Variants in GMDS observed in about 807,000 individuals in gnomAD.
GMDS encodes the protein GDP-mannose 4,6 dehydratase.
Under a neutral mutation model 49.9 loss-of-function variants are expected in GMDS, and 20 were observed. The ratio of observed to expected loss-of-function variants is 0.40; its 90% CI spans 0.28 to 0.58. The LOEUF (loss-of-function observed/expected upper bound fraction) is 0.58. GMDS is among the 20% of genes least tolerant of loss of function. The pLI, the probability that GMDS is intolerant of heterozygous loss-of-function variation, is 0.42. For missense variants in GMDS, 362 were observed against 481.4 expected, an observed-to-expected ratio of 0.75 and a Z score of 2.32; for synonymous variants, 177 against 178.6, an observed-to-expected ratio of 0.99 and a Z score of 0.07.
At position 2,209,603 on chromosome 6, in the gene GMDS, ACG is replaced by A. The variant is rs1779973998; in HGVS notation, c.102+35716_102+35717del. Among the ~76,000 whole-genome samples, 6 of 147,332 alleles carry A rather than the reference ACG, an allele frequency of 4.1e-5. No homozygotes were observed. The South Asian group carries it at 1.3e-3, about 32-fold the overall frequency. ...CACACACACACACACACACACACACACGTTCTCTCTCTCTCTCTCTCTCTGGA... is the reference window on the plus strand; with the variant it reads ...CACACACACACACACACACACACACATTCTCTCTCTCTCTCTCTCTCTGGA... On this transcript the variant is annotated intron_variant, in intron 1 of 10. Coordinates refer to ENST00000380815, the MANE Select transcript of GMDS (RefSeq NM_001500.4).
chr6:1,712,219 G>A (rs906989107), intron 9 of GMDS, among the ~76,000 whole-genome samples: 24 of 152,190 alleles, frequency 1.6e-4, no homozygotes, highest in Admixed American at 7.2e-4. Context: ...TTCTTTGATA[G>A]TAATCACACT....
rs553023771 is a variant in GMDS, at chr6:2,216,607, C to A, written c.102+28714G>T. 8.5e-5 allele frequency among the ~76,000 whole-genome samples: 13 copies of A among 152,322 alleles called. No homozygotes were observed. The South Asian group carries it at 2.5e-3, about 29-fold the overall frequency. ...TGGTGTGGCAGCACGCACCTGCAGT[C>A]TCAGGTACTCAGAAGACTGAGACAG... On this transcript the variant is annotated intron_variant, in intron 1 of 10. Coordinates refer to ENST00000380815, the MANE Select transcript of GMDS (RefSeq NM_001500.4).
chr6:2,072,579 G>T (rs1772081349), intron 4 of GMDS, among the ~76,000 whole-genome samples: 1 of 152,168 alleles, frequency 6.6e-6, no homozygotes, highest in African/African-American at 2.4e-5. Flanking sequence ...GCAAACTGAA[G>T]TTAAGGAAAG....
intron 1 of GMDS, 69 bp from the exon 2 acceptor site, chr6:2,124,800 G>A (rs968165839): frequency 2.5e-6 from 3 of 1,218,344 alleles, no homozygotes; most frequent in Non-Finnish European, 3.6e-6. Context: ...TAGATGAAGA[G>A]TTTTGAGAAA....
rs372962835 is a variant in GMDS at position 1,960,933 on chromosome 6, C to T, written c.379G>A (p.Val127Ile). 19 of 1,588,106 alleles carry T rather than the reference C, an allele frequency of 1.2e-5. No homozygotes were observed. Among genetic ancestry groups the T allele is most frequent in the South Asian group, 5.7e-5 (5 of 88,424 alleles). The stretch of plus-strand genomic sequence containing the variant: ...AGTCGTAGAGTGCCAACTCCGTCAA[C>T]GTCCGCAGTGTACTCAGCGAGGTCA... Reference protein sequence around the residue: ...SFDLAEYTADVDGVGTLRLLD... With the variant: ...SFDLAEYTADIDGVGTLRLLD... Residue 127 changes from valine (V) to isoleucine (I), a missense_variant, in exon 5 of 11, where the codon GTT becomes ATT. Val to Ile is a conservative substitution (Grantham distance 29, BLOSUM62 3). Coordinates refer to ENST00000380815, the MANE Select transcript of GMDS (RefSeq NM_001500.4).
chr6:1,997,368 C>T (rs1286194775), intron 4 of GMDS, among the ~76,000 whole-genome samples: 3 of 151,936 alleles, frequency 2.0e-5, no homozygotes, highest in East Asian at 1.9e-4. Context: ...ATTAGCCAGG[C>T]GTGGTGGCAC....
chr6:1,915,810 A>G (rs1316598639), intron 7 of GMDS, among the ~76,000 whole-genome samples: 3 of 152,234 alleles, frequency 2.0e-5, no homozygotes, highest in Non-Finnish European at 4.4e-5. Flanking sequence ...GTAAGCTTGT[A>G]AAAGTGTCCA....
At chr6:2,105,020 A>G (rs751099597) in intron 4 of GMDS, among the ~76,000 whole-genome samples, 15 of 151,914 alleles carry the variant, frequency 9.9e-5, no homozygotes, top group Non-Finnish European at 1.8e-4. Context: ...GTCTCTACCA[A>G]AAACACAAAA....
intron 4 of GMDS, among the ~76,000 whole-genome samples, chr6:2,098,220 G>A (rs558097440): frequency 5.3e-5 from 8 of 152,072 alleles, no homozygotes; most frequent in South Asian, 2.1e-4. Flanking sequence ...CACCACACCC[G>A]GCTAATTTTT....
intron 7 of GMDS, among the ~76,000 whole-genome samples, chr6:1,780,871 C>T (rs1037838163): frequency 1.3e-5 from 2 of 152,184 alleles, no homozygotes; most frequent in African/African-American, 4.8e-5. Flanking sequence ...CCAGGATTTA[C>T]AAATTACATC....
At chr6:2,096,179 C>G (rs899246474) in intron 4 of GMDS, among the ~76,000 whole-genome samples, 2 of 152,030 alleles carry the variant, frequency 1.3e-5, no homozygotes, top group Non-Finnish European at 2.9e-5. Flanking sequence ...TAACTCTCCT[C>G]CAGTTTGCAG....
intron 7 of GMDS, among the ~76,000 whole-genome samples, chr6:1,796,818 C>T (rs1387240191): frequency 6.6e-6 from 1 of 152,214 alleles, no homozygotes; most frequent in Admixed American, 6.5e-5. Context: ...AAAGATGTAG[C>T]TCCTTCAAAC....
At chr6:2,062,128 A>G (rs1042535727) in intron 4 of GMDS, among the ~76,000 whole-genome samples, 3 of 152,164 alleles carry the variant, frequency 2.0e-5, no homozygotes, top group Non-Finnish European at 4.4e-5. Context: ...CCTGCCAGCA[A>G]TATTCCCTGC....
intron 1 of GMDS, among the ~76,000 whole-genome samples, chr6:2,165,406 C>T (rs1777614183): frequency 6.6e-6 from 1 of 152,218 alleles, no homozygotes; most frequent in Non-Finnish European, 1.5e-5. Flanking sequence ...AGACCCATGT[C>T]CCAGCTCATG....
chr6:1,770,852 A>G (rs1297922754), intron 7 of GMDS, among the ~76,000 whole-genome samples: 2 of 152,172 alleles, frequency 1.3e-5, no homozygotes, highest in Non-Finnish European at 2.9e-5. Context: ...TAAAATGATG[A>G]TCCAATAAGA....
At chr6:1,988,568 C>A (rs1475292824) in intron 4 of GMDS, among the ~76,000 whole-genome samples, 1 of 152,092 alleles carries the variant, frequency 6.6e-6, no homozygotes, top group Non-Finnish European at 1.5e-5. Context: ...GGTAGAATAA[C>A]CCTCCATGTG....
At chr6:2,015,755 A>C (rs984020753) in intron 4 of GMDS, among the ~76,000 whole-genome samples, 2 of 152,178 alleles carry the variant, frequency 1.3e-5, no homozygotes, top group Non-Finnish European at 2.9e-5. Context: ...CATGTCTTCT[A>C]CCCACAAATT....
intron 7 of GMDS, among the ~76,000 whole-genome samples, chr6:1,748,359 T>C (rs1294883529): frequency 6.6e-6 from 1 of 152,220 alleles, no homozygotes; most frequent in Non-Finnish European, 1.5e-5. Context: ...TATATCTCTT[T>C]TGTTTTATCT....
intron 9 of GMDS, among the ~76,000 whole-genome samples, chr6:1,689,812 C>T (rs556768009): frequency 7.2e-5 from 11 of 152,252 alleles, no homozygotes; most frequent in Non-Finnish European, 1.3e-4. Context: ...AGTGAAGACG[C>T]GTGATTTCCT....
Sources: allele counts gnomAD v4.1 joint callset (sites outside exome capture counted in the v4.1 genomes callset), GRCh38; gene constraint gnomAD v4.1.1; transcripts MANE v1.5; gene names NCBI Gene and HGNC (gene_info 2026-07-23, HGNC 2026-07-21).